The following SULF2 variants were observed in gnomAD, a reference collection of about 807,000 sequenced individuals.
The protein encoded by SULF2 is sulfatase 2.
In SULF2, 52 loss-of-function variants were observed where a neutral mutation model predicts 107.7. That is an observed-to-expected ratio of 0.48 (90% CI 0.39 to 0.61). SULF2 has a LOEUF of 0.61. Among genes scored for constraint, SULF2 ranks in the 20% least tolerant of loss-of-function variants. SULF2 has a pLI of 0.00. For missense variants in SULF2, 993 were observed against 1,177.3 expected (o/e 0.84, Z 2.29); for synonymous variants, 460 against 464.3 (o/e 0.99, Z 0.12).
In SULF2 at chr20:47,694,702, G is replaced by A. The variant is rs1182024794; in HGVS notation, c.568-4407C>T. Among the ~76,000 whole-genome samples, 4 of 152,184 alleles carry A rather than the reference G, an allele frequency of 2.6e-5. No homozygotes were observed. The highest frequency in any genetic ancestry group is 4.1e-4 in the South Asian group (2 of 4,826). On this transcript the variant is annotated intron_variant, in intron 4 of 20. Coordinates refer to ENST00000688720, the MANE Select transcript of SULF2 (RefSeq NM_001387048.1). The surrounding 1 kb of genome is among the most constrained non-coding windows in gnomAD (Gnocchi z 4.4). ...TGAGTAGCTAGTGTCTGCGGAGACT[G>A]CCAGCCTCAGCCCTAGGCAAAAGCG...
At position 47,752,030 on chromosome 20, in the gene SULF2, C is replaced by T. The variant is rs961383310; in HGVS notation, c.175+5159G>A. Among the ~76,000 whole-genome samples, 7 of 152,342 alleles carry T rather than the reference C, an allele frequency of 4.6e-5. No homozygotes were observed. In the South Asian group the frequency reaches 1.4e-3, roughly 32 times the overall value. Reference sequence around the variant, plus strand: ...ACCTGGCAGAGTGGGTGCCAGCTCACCTGCATGAGCGTGGACAGCACTCAC... The same window carrying T: ...ACCTGGCAGAGTGGGTGCCAGCTCATCTGCATGAGCGTGGACAGCACTCAC... On this transcript the variant is annotated intron_variant, in intron 2 of 20. Coordinates refer to ENST00000688720, the MANE Select transcript of SULF2 (RefSeq NM_001387048.1).
In SULF2 at chr20:47,678,346, A is replaced by G. The variant is rs1430957903; in HGVS notation, c.1193+330T>C. 3 of 227,660 alleles carry G rather than the reference A, an allele frequency of 1.3e-5. No individual in the cohort carries two copies. The highest frequency in any genetic ancestry group is 2.1e-4 in the East Asian group (2 of 9,672). 14.1% of individuals were successfully genotyped at this position (227,660 alleles called of 1,614,324 possible). A position where few individuals can be genotyped will look rare whatever the true frequency, so the allele number is the denominator to read the frequency against. On this transcript the variant is annotated intron_variant, in intron 8 of 20. Coordinates refer to ENST00000688720, the MANE Select transcript of SULF2 (RefSeq NM_001387048.1). The surrounding 1 kb of genome is among the most constrained non-coding windows in gnomAD (Gnocchi z 4.5). ...ATCAAATTCCTAGATTTCCCTGCAC[A>G]GTACTTAGAATAGGGCCTCACACAC... is the stretch of plus-strand genomic sequence containing the variant.
intron 5 of SULF2, 48 bp from the exon 6 acceptor site, chr20:47,684,629 A>C: frequency 6.3e-7 from 1 of 1,586,218 alleles, no homozygotes. Flanking sequence ...GACAGCCTGG[A>C]CCCTGCCTGG....
At chr20:47,672,525 T>C in intron 10 of SULF2, 132 bp from the exon 11 acceptor site, 1 of 1,432,594 alleles carries the variant, frequency 7.0e-7, no homozygotes, top group Non-Finnish European at 9.1e-7. Context: ...GCCCCACCTC[T>C]GCTATCTCCA....
chr20:47,681,005 T>C (rs2087807356), intron 7 of SULF2, among the ~76,000 whole-genome samples: 1 of 152,242 alleles, frequency 6.6e-6, no homozygotes, highest in Non-Finnish European at 1.5e-5. Context: ...ACACGTGACC[T>C]AAGTCAGGCC....
Position 47,684,517 on chromosome 20 carries a change from T to G in SULF2, c.802A>C (p.Met268Leu). The stretch of plus-strand genomic sequence containing the variant: ...GTGAATTCCATGTGGATGGGCTTCA[T>G]GGGCCCCGTGTAGCGCATGATCCAG... ...KHWIMRYTGP[M>L]KPIHMEFTNM... Residue 268 changes from methionine (M) to leucine (L), a missense_variant, in exon 6 of 21, where the codon ATG becomes CTG. By Grantham distance (15) the Met-to-Leu change is conservative. Transcript: ENST00000688720. The G allele has an allele frequency of 6.2e-7, 1 of 1,614,158 alleles. No individual in the cohort carries two copies. The highest frequency in any genetic ancestry group is 1.1e-5 in the South Asian group (1 of 91,088).
intron 3 of SULF2, among the ~76,000 whole-genome samples, chr20:47,717,876 C>G (rs1347306236): frequency 6.7e-6 from 1 of 148,672 alleles, no homozygotes; most frequent in African/African-American, 2.5e-5. Context: ...TTCAGTGCTG[C>G]GATCTCGGCT....
chr20:47,752,978 G>C (rs1266328970), intron 2 of SULF2, among the ~76,000 whole-genome samples: 1 of 151,414 alleles, frequency 6.6e-6, no homozygotes, highest in Admixed American at 6.6e-5. Context: ...GCGGGCACCT[G>C]TAATTCCAGC....
intron 8 of SULF2, among the ~76,000 whole-genome samples, chr20:47,677,429 TGC>T (rs1456593445): frequency 0.21 from 31,728 of 148,494 alleles, 3,359 homozygotes; most frequent in Non-Finnish European, 0.21. Context: ...TGTGTGTGTG[TGC>T]GCGCACACAC....
chr20:47,692,932 A>G (rs6094783), intron 4 of SULF2, among the ~76,000 whole-genome samples: 58,284 of 152,088 alleles, frequency 0.38, 11,646 homozygotes, highest in Middle Eastern at 0.51. Flanking sequence ...AAGAGGAGAA[A>G]CCAAACTCTA....
intron 3 of SULF2, among the ~76,000 whole-genome samples, chr20:47,724,519 C>T (rs1004711630): frequency 1.3e-5 from 2 of 152,156 alleles, no homozygotes; most frequent in Non-Finnish European, 2.9e-5. Context: ...TCCAGCCATC[C>T]GCTCCCTAGA....
chr20:47,778,025 C>T (rs2090755670), intron 1 of SULF2, among the ~76,000 whole-genome samples: 1 of 151,818 alleles, frequency 6.6e-6, no homozygotes, highest in South Asian at 2.1e-4. Context: ...CCTATAGTCC[C>T]ACCTACTTGG....
chr20:47,684,755 C>T (rs1158736352), intron 5 of SULF2, 174 bp from the exon 6 acceptor site: 2 of 580,336 alleles, frequency 3.4e-6, no homozygotes. Context: ...TTATCCAAAC[C>T]CTGTTTCAGC....
chr20:47,752,850 C>A (rs893142748), intron 2 of SULF2, among the ~76,000 whole-genome samples: 1 of 152,036 alleles, frequency 6.6e-6, no homozygotes, highest in Non-Finnish European at 1.5e-5. Flanking sequence ...GCCTGCGATC[C>A]CAGCATTTTG....
chr20:47,665,848 T>C lies in SULF2; in HGVS notation c.1902+9A>G, dbSNP rs1373229463. 1.2e-6 allele frequency: 2 copies of C among 1,612,922 alleles called. No individual in the cohort carries two copies. Among genetic ancestry groups the C allele is most frequent in the East Asian group, 4.5e-5 (2 of 44,878 alleles). ...CCGAGAGCATGCTCCTCTCCCGCTC[T>C]CCACTCACCTCGTGGTCGATGTGCA... is the stretch of plus-strand genomic sequence containing the variant. On this transcript the variant is annotated intron_variant, in intron 13 of 20. Transcript: ENST00000688720.
At chr20:47,663,700 C>T (rs1027161332) in intron 15 of SULF2, 78 bp from the exon 16 acceptor site, 1 of 1,469,104 alleles carries the variant, frequency 6.8e-7, no homozygotes, top group Admixed American at 2.3e-5. Context: ...TCCTGTCCAC[C>T]TAAGGGCTTC....
chr20:47,687,326 C>T (rs2088042010), intron 5 of SULF2, among the ~76,000 whole-genome samples: 2 of 152,206 alleles, frequency 1.3e-5, no homozygotes, highest in Non-Finnish European at 2.9e-5. Context: ...ATGTCGGCAT[C>T]TTCCCATGGG....
intron 2 of SULF2, among the ~76,000 whole-genome samples, chr20:47,741,207 T>C (rs1485935048): frequency 6.6e-6 from 1 of 152,084 alleles, no homozygotes; most frequent in African/African-American, 2.4e-5. Context: ...TTTCTGGCCA[T>C]CCACAGAGTG....
At chr20:47,693,304 G>A (rs930522937) in intron 4 of SULF2, among the ~76,000 whole-genome samples, 7 of 152,164 alleles carry the variant, frequency 4.6e-5, no homozygotes, top group Non-Finnish European at 7.3e-5. Context: ...GTCAAGTCAG[G>A]AAATGGCATG....
Sources: allele counts gnomAD v4.1 joint callset (sites outside exome capture counted in the v4.1 genomes callset), GRCh38; gene constraint gnomAD v4.1.1; non-coding constraint Gnocchi (gnomAD v3.1); transcripts MANE v1.5; gene names NCBI Gene and HGNC (gene_info 2026-07-23, HGNC 2026-07-21).